CTNNBIP1: variants seen among roughly 807,000 people sequenced by gnomAD.
CTNNBIP1 encodes catenin beta interacting protein 1.
CTNNBIP1 carries 7 observed loss-of-function variants against 11.8 expected under a neutral mutation model. The ratio of observed to expected loss-of-function variants is 0.60; its 90% CI spans 0.34 to 1.12. The LOEUF (loss-of-function observed/expected upper bound fraction) is 1.12. Ranked by LOEUF, CTNNBIP1 falls within the 50% of genes most tolerant of loss-of-function variation. The pLI is 0.03. For synonymous variants in CTNNBIP1, 58 were observed against 43.9 expected, an observed-to-expected ratio of 1.32 and a Z score of -1.26; for missense variants, 101 against 113.4, an observed-to-expected ratio of 0.89 and a Z score of 0.50.
Position 9,872,107 on chromosome 1 carries a change from C to T in CTNNBIP1, c.-24-19G>A. 7.0e-7 allele frequency: 1 copy of T among 1,432,702 alleles called. No individual in the cohort carries two copies. The highest frequency in any genetic ancestry group is 9.9e-7 in the Non-Finnish European group (1 of 1,014,992). 88.7% of individuals were successfully genotyped at this position (1,432,702 alleles called of 1,614,324 possible). The stretch of plus-strand genomic sequence containing the variant: ...GGGACTCCTGCAGAGCAAGCAACAG[C>T]ATCAAAAGGGAAGAGATCAGGATGT... On this transcript the variant is annotated intron_variant, in intron 3 of 5. Coordinates refer to ENST00000377263, the MANE Select transcript of CTNNBIP1 (RefSeq NM_020248.3). The surrounding 1 kb of genome is among the most constrained non-coding windows in gnomAD (Gnocchi z 4.0).
Position 9,871,658 on chromosome 1 carries a change from T to C in CTNNBIP1, c.96+311A>G, listed in dbSNP as rs1638863296. Among the ~76,000 whole-genome samples, 1 of 152,148 alleles carries C rather than the reference T, an allele frequency of 6.6e-6. No individual in the cohort carries two copies. Among genetic ancestry groups the C allele is most frequent in the Non-Finnish European group, 1.5e-5 (1 of 68,018 alleles). On this transcript the variant is annotated intron_variant, in intron 4 of 5. Transcript: ENST00000377263. This position sits in a 1 kb window ranked among gnomAD's most constrained non-coding sequence, Gnocchi z 5.2. ...AGCTCCTGTCCTGACAAGTTGTCCCTGAGCTGCCCCCTGGGAGAGAAGACT... is the reference window on the plus strand; with the variant it reads ...AGCTCCTGTCCTGACAAGTTGTCCCCGAGCTGCCCCCTGGGAGAGAAGACT...
chr1:9,881,797 A>T (rs907003789), intron 2 of CTNNBIP1, among the ~76,000 whole-genome samples: 17 of 152,300 alleles, frequency 1.1e-4, no homozygotes, highest in African/African-American at 4.1e-4. Context: ...CTCAAGAAGG[A>T]TTTACTGAAA....
intron 5 of CTNNBIP1, among the ~76,000 whole-genome samples, chr1:9,857,248 A>G (rs1638525028): frequency 6.6e-6 from 1 of 151,328 alleles, no homozygotes; most frequent in Non-Finnish European, 1.5e-5. Flanking sequence ...TGGGGGGCCA[A>G]GATGGGCAGA....
At chr1:9,909,736 G>A (rs892406493) in intron 1 of CTNNBIP1, among the ~76,000 whole-genome samples, 2 of 152,114 alleles carry the variant, frequency 1.3e-5, no homozygotes, top group African/African-American at 2.4e-5. Context: ...AATATGGAGA[G>A]TAAGAGTCTC....
At chr1:9,885,819 G>A (rs1321203970) in intron 1 of CTNNBIP1, among the ~76,000 whole-genome samples, 3 of 151,768 alleles carry the variant, frequency 2.0e-5, no homozygotes, top group South Asian at 2.1e-4. Context: ...GTGCATGCCT[G>A]TACTTGGGAG....
At chr1:9,881,772 T>A (rs185441079) in intron 2 of CTNNBIP1, among the ~76,000 whole-genome samples, 88 of 152,238 alleles carry the variant, frequency 5.8e-4, no homozygotes, top group Admixed American at 1.6e-3. Flanking sequence ...CAACCTTAAG[T>A]AGACACTAAA....
chr1:9,897,658 A>G (rs1639438424), intron 1 of CTNNBIP1, among the ~76,000 whole-genome samples: 2 of 151,754 alleles, frequency 1.3e-5, no homozygotes, highest in East Asian at 3.9e-4. Context: ...TTTCAAAAAA[A>G]AAAAAATTAG....
rs1321696479 is a variant in CTNNBIP1, at chr1:9,910,232, C to T, written c.-281G>A. 1 of 147,502 alleles carries T rather than the reference C, an allele frequency of 6.8e-6. No individual in the cohort carries two copies. The allele number at this position is 147,502 out of a possible 1,614,324, so 9.1% of individuals were successfully genotyped here. ...GCAGCAGCAGGAGCGGCCGCCTCAGCCTCCGCCTCCCGCTCCGAGAGTCAC... is the reference window on the plus strand; with the variant it reads ...GCAGCAGCAGGAGCGGCCGCCTCAGTCTCCGCCTCCCGCTCCGAGAGTCAC... On this transcript the variant is annotated 5_prime_UTR_variant, in exon 1 of 6. Transcript: ENST00000377263.
chr1:9,900,938 G>A (rs1243347802), intron 1 of CTNNBIP1, among the ~76,000 whole-genome samples: 2 of 152,170 alleles, frequency 1.3e-5, no homozygotes, highest in African/African-American at 4.8e-5. Context: ...TCAGGAACAG[G>A]CTCATAGGGC....
At chr1:9,875,304 C>T (rs187535131) in intron 3 of CTNNBIP1, among the ~76,000 whole-genome samples, 18 of 152,316 alleles carry the variant, frequency 1.2e-4, no homozygotes, top group South Asian at 6.2e-4. Context: ...TTTTTGCCGC[C>T]GCATCCACCC....
rs1639120243 is a variant in CTNNBIP1, at chr1:9,883,251, G to T, written c.-110+454C>A. On this transcript the variant is annotated intron_variant, in intron 2 of 5. Transcript: ENST00000377263. The surrounding 1 kb of genome is among the most constrained non-coding windows in gnomAD (Gnocchi z 5.6). ...GTCTCCCAGGAAGACCGGAGTCTGG[G>T]TGGATTCATGTGAAGCCCTGTGTGA... Among the ~76,000 whole-genome samples, 1 of 152,214 alleles carries T rather than the reference G, an allele frequency of 6.6e-6. No individual in the cohort carries two copies. Among genetic ancestry groups the T allele is most frequent in the African/African-American group, 2.4e-5 (1 of 41,452 alleles).
intron 2 of CTNNBIP1, among the ~76,000 whole-genome samples, chr1:9,880,212 A>T (rs2101501866): frequency 6.7e-6 from 1 of 149,646 alleles, no homozygotes; most frequent in South Asian, 2.1e-4. Flanking sequence ...CCCACTTATG[A>T]GTGAGAACAT....
intron 1 of CTNNBIP1, among the ~76,000 whole-genome samples, chr1:9,905,984 C>G (rs921402435): frequency 6.6e-6 from 1 of 152,138 alleles, no homozygotes; most frequent in Admixed American, 6.5e-5. Flanking sequence ...TCTCAAAGAG[C>G]TTAAATGCTG....
Position 9,888,204 on chromosome 1 carries a change from G to C in CTNNBIP1, c.-143-4466C>G, listed in dbSNP as rs1220058525. On this transcript the variant is annotated intron_variant, in intron 1 of 5. Transcript: ENST00000377263. ...CCAACGCTTTGGGAGGCTGAGGTGG[G>C]AGTATCACTTGAGGCCAGGAGTTTG... Among the ~76,000 whole-genome samples the C allele has an allele frequency of 2.0e-5, 3 of 152,098 alleles. No individual in the cohort carries two copies. The South Asian group carries it at 6.2e-4, about 32-fold the overall frequency.
At chr1:9,900,027 T>C (rs1570599896) in intron 1 of CTNNBIP1, among the ~76,000 whole-genome samples, 2 of 151,102 alleles carry the variant, frequency 1.3e-5, no homozygotes, top group South Asian at 4.2e-4. Context: ...TGAGGCAAGA[T>C]TGCACCACTA....
intron 2 of CTNNBIP1, among the ~76,000 whole-genome samples, chr1:9,878,843 A>T (rs907039517): frequency 6.6e-6 from 1 of 152,126 alleles, no homozygotes; most frequent in Non-Finnish European, 1.5e-5. Context: ...CATCCCAATA[A>T]ATGGTGAGGG....
At chr1:9,900,512 C>T (rs913330953) in intron 1 of CTNNBIP1, among the ~76,000 whole-genome samples, 6 of 152,196 alleles carry the variant, frequency 3.9e-5, no homozygotes, top group African/African-American at 2.4e-5. Context: ...CACTCATGGA[C>T]CTAACAGGCC....
chr1:9,893,847 C>A (rs1639354487), intron 1 of CTNNBIP1, among the ~76,000 whole-genome samples: 1 of 152,118 alleles, frequency 6.6e-6, no homozygotes, highest in East Asian at 1.9e-4. Context: ...CTGAAGTCTG[C>A]CAGAAAGACA....
intron 1 of CTNNBIP1, among the ~76,000 whole-genome samples, chr1:9,901,174 T>C (rs1349422228): frequency 6.6e-6 from 1 of 152,108 alleles, no homozygotes; most frequent in African/African-American, 2.4e-5. Flanking sequence ...AACAGAAACC[T>C]AGAAGTTCAG....
Sources: gnomAD v4.1 joint callset for allele counts (sites outside exome capture counted in the v4.1 genomes callset) on GRCh38, gnomAD v4.1.1 for gene constraint, Gnocchi (gnomAD v3.1) non-coding constraint, MANE v1.5 for transcripts, NCBI Gene and HGNC (gene_info 2026-07-23, HGNC 2026-07-21) for gene names.